The following INSL6 variants were observed in gnomAD, a reference collection of about 807,000 sequenced individuals.
INSL6 encodes the protein insulin like 6, also known as insulin-like peptide INSL6.
In INSL6, 16 loss-of-function variants were observed where a neutral mutation model predicts 9.4. The ratio of observed to expected loss-of-function variants is 1.70; its 90% CI spans 1.15 to 2.59. The LOEUF (loss-of-function observed/expected upper bound fraction) is 2.59. Ranked by LOEUF, INSL6 falls within the 30% of genes most tolerant of loss-of-function variation. INSL6 has a pLI of 0.00. For missense variants in INSL6, 391 were observed against 257.3 expected, an observed-to-expected ratio of 1.52 and a Z score of -3.56; for synonymous variants, 154 against 96.9, an observed-to-expected ratio of 1.59 and a Z score of -3.46.
chr9:5,119,592 G>C (rs915903201), downstream of INSL6, among the ~76,000 whole-genome samples: 2 of 151,948 alleles, frequency 1.3e-5, no homozygotes, highest in African/African-American at 4.8e-5. Flanking sequence ...TACTTAATTT[G>C]CAATAAATAA....
intron 2 of INSL6, among the ~76,000 whole-genome samples, chr9:5,142,635 G>C (rs1303737472): frequency 6.6e-6 from 1 of 152,126 alleles, no homozygotes; most frequent in African/African-American, 2.4e-5. Context: ...ATATAGGATC[G>C]TGTCATCTAC....
chr9:5,076,022 A>G, the INSL6 span, among the ~76,000 whole-genome samples: 1 of 152,140 alleles, frequency 6.6e-6, no homozygotes, highest in African/African-American at 2.4e-5. Context: ...GTCACTGCAG[A>G]GATGGTGGAA....
At chr9:5,021,689 T>C in the INSL6 span, among the ~76,000 whole-genome samples, 1 of 151,968 alleles carries the variant, frequency 6.6e-6, no homozygotes, top group Non-Finnish European at 1.5e-5. Context: ...TGCGGTGGAG[T>C]GCGGAGGTTT....
the INSL6 span, chr9:5,080,353 A>T: frequency 6.2e-7 from 1 of 1,613,574 alleles, no homozygotes; most frequent in Non-Finnish European, 8.5e-7. Flanking sequence ...GAGGAGATAA[A>T]CCTCTAAGTG....
chr9:5,067,801 G>A, the INSL6 span, among the ~76,000 whole-genome samples: 4 of 152,054 alleles, frequency 2.6e-5, no homozygotes, highest in Admixed American at 1.3e-4. Context: ...ATTCTAAATC[G>A]AACATTGTAA....
At chr9:5,072,350 G>T in the INSL6 span, 1 of 508,694 alleles carries the variant, frequency 2.0e-6, no homozygotes, top group East Asian at 3.1e-5. Context: ...CATTAATTTG[G>T]AGTCTTAAAT....
chr9:5,106,350 C>A, the INSL6 span, among the ~76,000 whole-genome samples: 3 of 152,188 alleles, frequency 2.0e-5, no homozygotes, highest in African/African-American at 7.2e-5. Context: ...CAATGAGATA[C>A]CATCTCATGC....
intron 2 of INSL6, among the ~76,000 whole-genome samples, chr9:5,136,817 G>C (rs1037952000): frequency 1.3e-5 from 2 of 152,212 alleles, no homozygotes; most frequent in East Asian, 3.8e-4. Flanking sequence ...ATTAGGAAAA[G>C]AGGAAGTCAA....
At chr9:5,121,374 A>G (rs566111262), downstream of INSL6, among the ~76,000 whole-genome samples, 77 of 152,302 alleles carry the variant, frequency 5.1e-4, no homozygotes, top group Non-Finnish European at 8.7e-4. Context: ...TGACAGCACT[A>G]TTTGCCACAT....
chr9:5,148,563 T>TAC (rs1824647400), intron 2 of INSL6, among the ~76,000 whole-genome samples: 1 of 152,154 alleles, frequency 6.6e-6, no homozygotes, highest in Non-Finnish European at 1.5e-5. Context: ...AAATAGGCCA[T>TAC]ACCCTTACAG....
At chr9:5,021,853 C>T in the INSL6 span, 1 of 623,026 alleles carries the variant, frequency 1.6e-6, no homozygotes, top group Non-Finnish European at 2.8e-6. Flanking sequence ...GGCTTGTCTC[C>T]AACTTCTGGG....
In INSL6 at chr9:5,185,354, C is replaced by T. The variant is rs146054352; in HGVS notation, c.249G>A (p.Pro83=). 3.7e-6 allele frequency: 6 copies of T among 1,614,066 alleles called. No individual in the cohort carries two copies. Among genetic ancestry groups the T allele is most frequent in the East Asian group, 4.5e-5 (2 of 44,876 alleles). The change falls in exon 1 of 2, where the codon CCG becomes CCA. Residue 83 remains proline (P), a synonymous_variant. Coordinates refer to ENST00000381641, the MANE Select transcript of INSL6 (RefSeq NM_007179.3). ...EAYSPYQFES[P]QTASPARGRG... ...TTCCCCGGGCCGGGGAAGCGGTTTG[C>T]GGGCTTTCGAACTGGTATGGGCTGT...
At chr9:5,140,549 A>G (rs1293709952) in intron 2 of INSL6, among the ~76,000 whole-genome samples, 2 of 152,126 alleles carry the variant, frequency 1.3e-5, no homozygotes, top group Non-Finnish European at 2.9e-5. Context: ...GCACATCACT[A>G]TTAGGTCATT....
the INSL6 span, among the ~76,000 whole-genome samples, chr9:5,062,914 ATTT>A: frequency 1.3e-5 from 2 of 151,814 alleles, no homozygotes; most frequent in Non-Finnish European, 2.9e-5. Flanking sequence ...TTCTTTTTTT[ATTT>A]TTAATTGTTT....
chr9:5,086,874 G>C, the INSL6 span, among the ~76,000 whole-genome samples: 2,370 of 152,176 alleles, frequency 0.016, 48 homozygotes, highest in East Asian at 0.072. Context: ...TATCAAGCGC[G>C]TTTAAATGTT....
the INSL6 span, among the ~76,000 whole-genome samples, chr9:5,067,750 C>G: frequency 2.6e-5 from 4 of 152,082 alleles, no homozygotes; most frequent in African/African-American, 9.7e-5. Flanking sequence ...CTTCAGGAAA[C>G]TTATCTACTG....
chr9:5,097,175 GC>G, the INSL6 span: 1 of 151,972 alleles, frequency 6.6e-6, no homozygotes, highest in African/African-American at 2.4e-5. Context: ...TTAACAAAAA[GC>G]CCCCAGCCAT....
At chr9:4,993,952 A>G in the INSL6 span, among the ~76,000 whole-genome samples, 1 of 152,160 alleles carries the variant, frequency 6.6e-6, no homozygotes, top group South Asian at 2.1e-4. Flanking sequence ...CTGAGTGATC[A>G]TGTATGGATG....
At chr9:5,134,566 G>C (rs1363574498) in intron 2 of INSL6, among the ~76,000 whole-genome samples, 4 of 152,308 alleles carry the variant, frequency 2.6e-5, no homozygotes, top group Non-Finnish European at 5.9e-5. Context: ...TTTCAACCCA[G>C]TATCTCATAT....
Sources: gnomAD v4.1 joint callset for allele counts (sites outside exome capture counted in the v4.1 genomes callset) on GRCh38, gnomAD v4.1.1 for gene constraint, MANE v1.5 for transcripts, NCBI Gene and HGNC (gene_info 2026-07-23, HGNC 2026-07-21) for gene names.